Variants in NOL4 observed in about 807,000 individuals in gnomAD.
NOL4 encodes the protein cancer/testis antigen 125.
Under a neutral mutation model 75.9 loss-of-function variants are expected in NOL4, and 17 were observed. The observed-to-expected ratio is 0.22, with a 90% confidence interval of 0.15 to 0.34. The LOEUF is 0.34. NOL4 is among the 10% of genes least tolerant of loss of function. The probability of loss-of-function intolerance (pLI) is 1.00; values close to 1 mark genes in which losing one functional copy is unlikely to be tolerated. For synonymous variants in NOL4, 292 were observed against 289.9 expected, an observed-to-expected ratio of 1.01 and a Z score of -0.07; for missense variants, 614 against 793.5, an observed-to-expected ratio of 0.77 and a Z score of 2.72.
At chr18:34,022,909 CAT>C (rs1430479952) in intron 5 of NOL4, among the ~76,000 whole-genome samples, 1 of 151,862 alleles carries the variant, frequency 6.6e-6, no homozygotes, top group African/African-American at 2.4e-5. Context: ...GTAAGGTAAA[CAT>C]TATTATTTGT....
intron 5 of NOL4, among the ~76,000 whole-genome samples, chr18:34,088,372 G>T (rs1488553472): frequency 6.6e-6 from 1 of 152,002 alleles, no homozygotes; most frequent in Non-Finnish European, 1.5e-5. Context: ...ATACATTTTT[G>T]AGCTAATCCA....
chr18:33,988,174 A>T (rs2072613907), intron 6 of NOL4, among the ~76,000 whole-genome samples: 2 of 152,204 alleles, frequency 1.3e-5, no homozygotes, highest in Admixed American at 1.3e-4. Context: ...AAACACTGTC[A>T]TAGGGCAAGG....
chr18:34,021,169 A>G (rs2075015135), intron 5 of NOL4, among the ~76,000 whole-genome samples: 1 of 152,230 alleles, frequency 6.6e-6, no homozygotes, highest in Non-Finnish European at 1.5e-5. Flanking sequence ...TCTGTCTTCA[A>G]CAAGGTCACA....
chr18:34,055,084 C>T (rs2076780181), intron 5 of NOL4, among the ~76,000 whole-genome samples: 1 of 151,218 alleles, frequency 6.6e-6, no homozygotes, highest in Admixed American at 6.6e-5. Context: ...TCCCAAAGTA[C>T]ATCTTTATGT....
intron 1 of NOL4, among the ~76,000 whole-genome samples, chr18:34,200,504 T>A (rs2035657049): frequency 6.6e-6 from 1 of 151,850 alleles, no homozygotes; most frequent in African/African-American, 2.4e-5. Flanking sequence ...TAGATGACAG[T>A]TTATTCTTTA....
At chr18:34,161,514 T>C (rs1350729369) in intron 1 of NOL4, among the ~76,000 whole-genome samples, 1 of 152,204 alleles carries the variant, frequency 6.6e-6, no homozygotes, top group East Asian at 1.9e-4. Flanking sequence ...CATTTCTTGT[T>C]GTCTTTTTGA....
rs186488508 is a variant in NOL4 at position 33,855,092 on chromosome 18, G to T, written c.1724-2057C>A. Reference sequence around the variant, plus strand: ...CATTATCTTGGCTTTTTTCAGATCTGCAGGATCAGGATAGAGTGCATAAAC... The same window carrying T: ...CATTATCTTGGCTTTTTTCAGATCTTCAGGATCAGGATAGAGTGCATAAAC... On this transcript the variant is annotated intron_variant, in intron 10 of 10. Coordinates refer to ENST00000261592, the MANE Select transcript of NOL4 (RefSeq NM_003787.5). Among the ~76,000 whole-genome samples the T allele has an allele frequency of 3.9e-5, 6 of 152,112 alleles. No individual in the cohort carries two copies. In the East Asian group the frequency reaches 1.2e-3, roughly 29 times the overall value.
At chr18:33,946,828 T>C (rs1411801565) in intron 8 of NOL4, among the ~76,000 whole-genome samples, 1 of 151,730 alleles carries the variant, frequency 6.6e-6, no homozygotes, top group Non-Finnish European at 1.5e-5. Flanking sequence ...ACTGATGTAA[T>C]CTGAATTCAT....
At chr18:34,059,514 T>C (rs1008235812) in intron 5 of NOL4, among the ~76,000 whole-genome samples, 10 of 152,172 alleles carry the variant, frequency 6.6e-5, no homozygotes, top group East Asian at 1.9e-4. Flanking sequence ...CCCAGATTGA[T>C]AGATTATCTT....
chr18:34,114,786 T>C (rs2079771383), intron 2 of NOL4, among the ~76,000 whole-genome samples: 1 of 151,980 alleles, frequency 6.6e-6, no homozygotes, highest in African/African-American at 2.4e-5. Context: ...ATTTCCCAAA[T>C]ACTGGTCTAT....
At chr18:34,046,607 C>CATATAT (rs35281852) in intron 5 of NOL4, among the ~76,000 whole-genome samples, 6,701 of 81,408 alleles carry the variant, frequency 0.082, 706 homozygotes, top group African/African-American at 0.12. Context: ...TTTACTTATA[C>CATATAT]ATATATATAT....
intron 1 of NOL4, among the ~76,000 whole-genome samples, chr18:34,165,691 T>C (rs1462877905): frequency 6.6e-6 from 1 of 152,138 alleles, no homozygotes; most frequent in African/African-American, 2.4e-5. Flanking sequence ...TAAGAGGTGA[T>C]CTTAAAGAAT....
intron 1 of NOL4, among the ~76,000 whole-genome samples, chr18:34,198,917 G>C (rs1277812197): frequency 1.3e-5 from 2 of 151,750 alleles, no homozygotes; most frequent in South Asian, 2.1e-4. Context: ...AATCCTAGGG[G>C]CCTGTGTTAA....
intron 1 of NOL4, among the ~76,000 whole-genome samples, chr18:34,159,082 A>AGCG (rs1400179274): frequency 6.6e-6 from 1 of 152,104 alleles, no homozygotes; most frequent in Admixed American, 6.5e-5. Flanking sequence ...TTTCTACTTC[A>AGCG]GCGGCGGCGG....
chr18:33,902,894 G>A (rs1157732606), intron 9 of NOL4, among the ~76,000 whole-genome samples: 1 of 152,056 alleles, frequency 6.6e-6, no homozygotes, highest in Non-Finnish European at 1.5e-5. Context: ...CTACATGTAT[G>A]TAATTTTCTG....
intron 6 of NOL4, among the ~76,000 whole-genome samples, chr18:34,011,175 G>A (rs1410569719): frequency 2.0e-5 from 3 of 151,676 alleles, no homozygotes; most frequent in Non-Finnish European, 4.4e-5. Context: ...CACATCATAT[G>A]CATGTATGAG....
At chr18:34,022,104 C>CAA (rs202197815) in intron 5 of NOL4, among the ~76,000 whole-genome samples, 8 of 138,994 alleles carry the variant, frequency 5.8e-5, no homozygotes, top group African/African-American at 1.6e-4. Context: ...AACTGCATCT[C>CAA]AAAAAAAATA....
chr18:33,924,415 TACGGC>T (rs1313083192), intron 9 of NOL4, among the ~76,000 whole-genome samples: 1 of 152,206 alleles, frequency 6.6e-6, no homozygotes, highest in African/African-American at 2.4e-5. Context: ...TATTTTAAAC[TACGGC>T]ATTAATCCCA....
At chr18:33,988,474 T>C (rs1333105100) in intron 6 of NOL4, among the ~76,000 whole-genome samples, 2 of 152,088 alleles carry the variant, frequency 1.3e-5, no homozygotes, top group Non-Finnish European at 2.9e-5. Context: ...ACCCTGTTCA[T>C]GTAAGAAGAT....
Sources: allele counts gnomAD v4.1 joint callset (sites outside exome capture counted in the v4.1 genomes callset), GRCh38; gene constraint gnomAD v4.1.1; transcripts MANE v1.5; gene names NCBI Gene and HGNC (gene_info 2026-07-23, HGNC 2026-07-21).